FNTB: variants seen among roughly 807,000 people sequenced by gnomAD.
The protein encoded by FNTB is farnesyltransferase, CAAX box, subunit beta.
FNTB carries 27 observed loss-of-function variants against 59.4 expected under a neutral mutation model. The observed-to-expected ratio is 0.45, with a 90% CI of 0.34 to 0.63. FNTB has a LOEUF of 0.63. FNTB is among the 20% of genes least tolerant of loss of function. The pLI, the probability that FNTB is intolerant of heterozygous loss-of-function variation, is 0.02. For synonymous variants in FNTB, 230 were observed against 220.7 expected, an observed-to-expected ratio of 1.04 and a Z score of -0.37; for missense variants, 449 against 559.6, an observed-to-expected ratio of 0.80 and a Z score of 1.99.
At position 65,032,395 on chromosome 14, in the gene FNTB, T is replaced by C. The variant is rs2062104167; in HGVS notation, c.606-215T>C. 3 of 463,002 alleles carry C rather than the reference T, an allele frequency of 6.5e-6. No individual in the cohort carries two copies. The highest frequency in any genetic ancestry group is 7.3e-5 in the East Asian group (2 of 27,368). 28.7% of individuals were successfully genotyped at this position (463,002 alleles called of 1,614,324 possible). A position where few individuals can be genotyped will look rare whatever the true frequency, so the allele number is the denominator to read the frequency against. On this transcript the variant is annotated intron_variant, in intron 6 of 11. Transcript: ENST00000246166. This position sits in a 1 kb window ranked among gnomAD's most constrained non-coding sequence, Gnocchi z 5.0. ...TGGAGGTAGGGAGAATAGAATGTCA[T>C]GTTCTTTCACTGAAGCCATGCCGTG...
At chr14:65,008,723 C>A (rs1476875753) in intron 2 of FNTB, among the ~76,000 whole-genome samples, 1 of 152,198 alleles carries the variant, frequency 6.6e-6, no homozygotes, top group Admixed American at 6.5e-5. Context: ...GGCAGCATGA[C>A]CAGAGCTCAG....
chr14:65,004,472 C>G (rs927984724), intron 2 of FNTB, among the ~76,000 whole-genome samples, 159 bp downstream of exon 2: 5 of 152,146 alleles, frequency 3.3e-5, no homozygotes, highest in African/African-American at 9.7e-5. Context: ...GACCCCCACT[C>G]CTCCCTCTGG....
intron 9 of FNTB, among the ~76,000 whole-genome samples, chr14:65,046,206 C>T (rs559201103): frequency 1.3e-5 from 2 of 152,252 alleles, no homozygotes; most frequent in East Asian, 3.9e-4. Flanking sequence ...GAACTCCTGA[C>T]CTCAGGTGAT....
intron 1 of FNTB, among the ~76,000 whole-genome samples, chr14:65,000,670 AT>A (rs1888559708): frequency 6.6e-6 from 1 of 151,866 alleles, no homozygotes; most frequent in Non-Finnish European, 1.5e-5. Context: ...AATAGAAAAA[AT>A]TAGCTGGGAG....
chr14:65,044,065 G>A lies in FNTB; in HGVS notation c.823-246G>A, dbSNP rs1448515742. The stretch of plus-strand genomic sequence containing the variant: ...CTGCTTTGGAACCCAGGAAAAGGTA[G>A]TTGTCTGCCAGGCATTGAGCAGAGA... On this transcript the variant is annotated intron_variant, in intron 8 of 11. Transcript: ENST00000246166. The surrounding 1 kb of genome is among the most constrained non-coding windows in gnomAD (Gnocchi z 5.5). Among the ~76,000 whole-genome samples the A allele has an allele frequency of 6.6e-6, 1 of 152,158 alleles. No individual in the cohort carries two copies. Among genetic ancestry groups the A allele is most frequent in the African/African-American group, 2.4e-5 (1 of 41,432 alleles).
intron 8 of FNTB, 21 bp downstream of exon 8, chr14:65,040,940 C>A: frequency 2.5e-6 from 4 of 1,610,568 alleles, no homozygotes; most frequent in Non-Finnish European, 3.4e-6. Flanking sequence ...TTTGAGCCAT[C>A]CCCCTCTCAG....
At chr14:65,010,016 C>G (rs1171852525) in intron 2 of FNTB, among the ~76,000 whole-genome samples, 1 of 152,180 alleles carries the variant, frequency 6.6e-6, no homozygotes, top group Non-Finnish European at 1.5e-5. Context: ...GAAAGAGAAA[C>G]TGAGTCTGGC....
At chr14:65,055,718 T>C (rs1045475418) in intron 11 of FNTB, among the ~76,000 whole-genome samples, 4 of 152,122 alleles carry the variant, frequency 2.6e-5, no homozygotes, top group African/African-American at 9.7e-5. Context: ...GGTTTCCCCA[T>C]GTTGGCCAGG....
chr14:65,026,566 A>C (rs1292194013), intron 4 of FNTB, among the ~76,000 whole-genome samples: 1 of 152,184 alleles, frequency 6.6e-6, no homozygotes, highest in Non-Finnish European at 1.5e-5. Context: ...CTCCATTAAA[A>C]ATGTGTTTTT....
At chr14:65,051,255 C>A (rs1028836075) in intron 9 of FNTB, among the ~76,000 whole-genome samples, 1 of 152,184 alleles carries the variant, frequency 6.6e-6, no homozygotes, top group Non-Finnish European at 1.5e-5. Context: ...CCTTGGAAAC[C>A]CTTTTCCTCT....
At chr14:65,003,483 A>T (rs2061541491) in intron 1 of FNTB, 1 of 152,258 alleles carries the variant, frequency 6.6e-6, no homozygotes, top group Admixed American at 6.5e-5. Flanking sequence ...TAACAAACCA[A>T]CAGGGTAACA....
At chr14:65,037,748 ATTTATTTATTTATTTATTTAT>A (rs1566562898) in intron 7 of FNTB, among the ~76,000 whole-genome samples, 25 of 75,716 alleles carry the variant, frequency 3.3e-4, no homozygotes, top group African/African-American at 6.5e-4. Context: ...TTTATTATTT[ATTTATTTATTTATTTATTTAT>A]TTATTTATTT....
At chr14:65,005,508 TC>T (rs2061571969) in intron 2 of FNTB, among the ~76,000 whole-genome samples, 1 of 89,866 alleles carries the variant, frequency 1.1e-5, no homozygotes, top group African/African-American at 5.7e-5. Flanking sequence ...TTTCTTTCTT[TC>T]TTTCTCTCTC....
chr14:64,988,690 C>T (rs944684264), intron 1 of FNTB, among the ~76,000 whole-genome samples: 1 of 152,056 alleles, frequency 6.6e-6, no homozygotes, highest in Non-Finnish European at 1.5e-5. Context: ...CCTCGGCCTC[C>T]TAGAGTGCTG....
chr14:64,993,564 A>G (rs1888283062), intron 1 of FNTB, among the ~76,000 whole-genome samples: 1 of 152,156 alleles, frequency 6.6e-6, no homozygotes, highest in African/African-American at 2.4e-5. Context: ...TTTTTTTTGA[A>G]AAGTCTTGCC....
At chr14:65,013,581 G>C (rs2061718578) in intron 3 of FNTB, among the ~76,000 whole-genome samples, 1 of 152,168 alleles carries the variant, frequency 6.6e-6, no homozygotes, top group Admixed American at 6.5e-5. Flanking sequence ...ATGGAGTCTC[G>C]CTGTATTTCC....
chr14:65,060,948 A>G (rs112997790), intron 11 of FNTB, among the ~76,000 whole-genome samples: 4 of 150,156 alleles, frequency 2.7e-5, no homozygotes, highest in African/African-American at 9.8e-5. Context: ...TGTTGTAAGT[A>G]TTTGCCTGTA....
intron 9 of FNTB, among the ~76,000 whole-genome samples, chr14:65,051,375 C>T (rs1021959262): frequency 6.6e-6 from 1 of 152,060 alleles, no homozygotes; most frequent in Non-Finnish European, 1.5e-5. Context: ...TTTGGGAGGC[C>T]AAAAGAGGGT....
intron 9 of FNTB, among the ~76,000 whole-genome samples, chr14:65,046,091 C>G (rs1046877680): frequency 6.6e-6 from 1 of 152,144 alleles, no homozygotes; most frequent in Admixed American, 6.5e-5. Flanking sequence ...ATTCTCCTGC[C>G]TTAGCCTCCT....
Sources: gnomAD v4.1 joint callset for allele counts (sites outside exome capture counted in the v4.1 genomes callset) on GRCh38, gnomAD v4.1.1 for gene constraint, Gnocchi (gnomAD v3.1) non-coding constraint, MANE v1.5 for transcripts, NCBI Gene and HGNC (gene_info 2026-07-23, HGNC 2026-07-21) for gene names.